NELL1: variants seen among roughly 807,000 people sequenced by gnomAD.
The protein encoded by NELL1 is neural EGFL like 1, also known as protein kinase C-binding protein NELL1.
NELL1 carries 76 observed loss-of-function variants against 107.4 expected under a neutral mutation model. That is an observed-to-expected ratio of 0.71 (90% CI 0.59 to 0.86). NELL1 has a LOEUF of 0.86. Ranked by LOEUF, NELL1 falls within the 40% of genes least tolerant of loss-of-function variation. NELL1 has a pLI of 0.00. For missense variants in NELL1, 1,024 were observed against 1,005.5 expected (o/e 1.02, Z -0.25); for synonymous variants, 353 against 341.2 (o/e 1.03, Z -0.38).
At chr11:21,017,478 AT>A (rs1852594008) in intron 12 of NELL1, among the ~76,000 whole-genome samples, 2 of 151,906 alleles carry the variant, frequency 1.3e-5, no homozygotes, top group African/African-American at 2.4e-5. Flanking sequence ...CTAATTACCT[AT>A]TTTTTATACC....
At chr11:21,473,040 C>T (rs568498900) in intron 15 of NELL1, among the ~76,000 whole-genome samples, 1 of 152,096 alleles carries the variant, frequency 6.6e-6, no homozygotes, top group African/African-American at 2.4e-5. Flanking sequence ...AAAGTAGGAA[C>T]TAAAATCCAA....
At chr11:20,892,123 C>T (rs928895772) in intron 5 of NELL1, among the ~76,000 whole-genome samples, 2 of 152,202 alleles carry the variant, frequency 1.3e-5, no homozygotes, top group Non-Finnish European at 2.9e-5. Flanking sequence ...ACATAAAACA[C>T]TCCTCAGCAA....
intron 14 of NELL1, among the ~76,000 whole-genome samples, chr11:21,362,155 G>T (rs1375223013): frequency 6.6e-6 from 1 of 152,142 alleles, no homozygotes; most frequent in Non-Finnish European, 1.5e-5. Context: ...CTCAAGGCCT[G>T]CTGTTCAGAT....
chr11:20,701,450 C>T (rs1382770336), intron 2 of NELL1, among the ~76,000 whole-genome samples: 2 of 152,100 alleles, frequency 1.3e-5, no homozygotes, highest in Non-Finnish European at 2.9e-5. Flanking sequence ...TTCTCCCATT[C>T]TGTAGGTTGC....
chr11:21,358,719 TTTG>T lies in NELL1; in HGVS notation c.1550-12109_1550-12107del, dbSNP rs34509053. ...GGCGTGACCCACCGTGCCCGGCCTT[TTTG>T]TTGTTGTTGTTGTTGTTGTTGTTGC... On this transcript the variant is annotated intron_variant, in intron 14 of 19. Transcript: ENST00000357134. 2.2e-3 allele frequency among the ~76,000 whole-genome samples: 328 copies of T among 149,014 alleles called. 2 individuals are homozygous for T. Among genetic ancestry groups the T allele is most frequent in the African/African-American group, 7.5e-3 (307 of 40,800 alleles).
At chr11:21,528,266 T>C (rs1213150136) in intron 15 of NELL1, among the ~76,000 whole-genome samples, 1 of 152,078 alleles carries the variant, frequency 6.6e-6, no homozygotes, top group Non-Finnish European at 1.5e-5. Context: ...ATTGCTGTGG[T>C]TTAGATGTGA....
chr11:21,541,669 C>T (rs1856296250), intron 16 of NELL1, among the ~76,000 whole-genome samples: 2 of 152,042 alleles, frequency 1.3e-5, no homozygotes, highest in South Asian at 4.1e-4. Flanking sequence ...GGACATTAAG[C>T]CTAGATTCAG....
intron 2 of NELL1, among the ~76,000 whole-genome samples, chr11:20,691,578 G>C (rs1324732156): frequency 6.6e-6 from 1 of 152,056 alleles, no homozygotes; most frequent in Non-Finnish European, 1.5e-5. Context: ...TTGTATGCTG[G>C]ATTACATTTA....
At chr11:20,720,084 A>T (rs921909225) in intron 2 of NELL1, among the ~76,000 whole-genome samples, 2 of 151,974 alleles carry the variant, frequency 1.3e-5, no homozygotes, top group Non-Finnish European at 2.9e-5. Flanking sequence ...AGCCTTTTTC[A>T]GGTTTATCTT....
intron 14 of NELL1, among the ~76,000 whole-genome samples, chr11:21,276,336 G>A (rs1848858728): frequency 6.6e-6 from 1 of 152,094 alleles, no homozygotes; most frequent in African/African-American, 2.4e-5. Context: ...AATCCAACTT[G>A]CAAGGGACGT....
intron 15 of NELL1, among the ~76,000 whole-genome samples, chr11:21,395,060 A>C (rs761208464): frequency 6.6e-6 from 1 of 151,564 alleles, no homozygotes; most frequent in Admixed American, 6.6e-5. Context: ...TAAATTTCAC[A>C]GTTCTATTTG....
At chr11:20,794,544 G>A (rs1381464909) in intron 3 of NELL1, among the ~76,000 whole-genome samples, 1 of 152,190 alleles carries the variant, frequency 6.6e-6, no homozygotes, top group Non-Finnish European at 1.5e-5. Flanking sequence ...GGATAGTGAA[G>A]GGGGCAAAGG....
intron 15 of NELL1, among the ~76,000 whole-genome samples, chr11:21,457,363 G>A (rs1853772950): frequency 6.6e-6 from 1 of 152,050 alleles, no homozygotes; most frequent in Admixed American, 6.6e-5. Context: ...GAGTGTTGTG[G>A]AGATAAGAGG....
intron 14 of NELL1, among the ~76,000 whole-genome samples, chr11:21,306,047 A>T (rs1429905765): frequency 6.6e-6 from 1 of 151,912 alleles, no homozygotes; most frequent in Non-Finnish European, 1.5e-5. Flanking sequence ...GTGTTTTTAT[A>T]GATTAGTATT....
At chr11:21,348,381 G>A (rs974185257) in intron 14 of NELL1, among the ~76,000 whole-genome samples, 1 of 152,120 alleles carries the variant, frequency 6.6e-6, no homozygotes, top group Non-Finnish European at 1.5e-5. Flanking sequence ...GAGCTCTAGG[G>A]GAGATACAGA....
intron 4 of NELL1, among the ~76,000 whole-genome samples, chr11:20,872,689 T>C (rs894605496): frequency 1.5e-4 from 23 of 151,220 alleles, no homozygotes; most frequent in African/African-American, 5.1e-4. Context: ...TGTGTGTGTG[T>C]GTGTGTGTGT....
At chr11:21,144,526 G>A (rs866855673) in intron 13 of NELL1, among the ~76,000 whole-genome samples, 1 of 152,112 alleles carries the variant, frequency 6.6e-6, no homozygotes, top group Non-Finnish European at 1.5e-5. Flanking sequence ...AGGAGATAAA[G>A]GTTTTGTTAG....
chr11:20,797,290 C>T (rs914445168), intron 3 of NELL1, among the ~76,000 whole-genome samples: 22 of 151,404 alleles, frequency 1.5e-4, no homozygotes, highest in African/African-American at 5.1e-4. Context: ...GCTGGCCGGG[C>T]GCGGTGGCTC....
chr11:20,682,834 A>G (rs1854221286), intron 2 of NELL1, among the ~76,000 whole-genome samples: 1 of 152,028 alleles, frequency 6.6e-6, no homozygotes, highest in Non-Finnish European at 1.5e-5. Context: ...TATAAATAGA[A>G]TCATACAGTA....
Sources: allele counts gnomAD v4.1 joint callset (sites outside exome capture counted in the v4.1 genomes callset), GRCh38; gene constraint gnomAD v4.1.1; transcripts MANE v1.5; gene names NCBI Gene and HGNC (gene_info 2026-07-23, HGNC 2026-07-21).